The following ARL8A variants were observed in gnomAD, a reference collection of about 807,000 sequenced individuals.
ARL8A encodes ARF like GTPase 8A.
Under a neutral mutation model 31.2 loss-of-function variants are expected in ARL8A, and 10 were observed. The observed-to-expected ratio is 0.32, with a 90% CI of 0.20 to 0.54. The LOEUF (loss-of-function observed/expected upper bound fraction) is 0.54, where lower values mean the gene tolerates loss of function less well. ARL8A is among the 20% of genes least tolerant of loss of function. ARL8A has a pLI of 0.93. For missense variants in ARL8A, 129 were observed against 242.8 expected (o/e 0.53, Z 3.12); for synonymous variants, 70 against 86.9 (o/e 0.81, Z 1.08).
In ARL8A at chr1:202,135,544, T is replaced by C; in HGVS notation, c.373-18A>G. ...ACTAAGACCTACGGAGAAGGGAGGG[T>C]GAGGATGAGGTCTAGGGCAGCCGTG... On this transcript the variant is annotated intron_variant, in intron 4 of 6. Transcript: ENST00000272217. The surrounding 1 kb of genome is among the most constrained non-coding windows in gnomAD (Gnocchi z 5.3). 1 of 1,613,260 alleles carries C rather than the reference T, an allele frequency of 6.2e-7. No homozygotes were observed.
At chr1:202,143,249 C>T (rs1184792313) in intron 1 of ARL8A, among the ~76,000 whole-genome samples, 1 of 152,224 alleles carries the variant, frequency 6.6e-6, no homozygotes, top group African/African-American at 2.4e-5. Context: ...AGCTTTCCAT[C>T]TGCCTTCATG....
rs1045435175 is a variant in ARL8A at position 202,138,917 on chromosome 1, T to C, written c.124-469A>G. Among the ~76,000 whole-genome samples the C allele has an allele frequency of 5.9e-5, 9 of 152,226 alleles. No homozygotes were observed. Among genetic ancestry groups the C allele is most frequent in the Non-Finnish European group, 1.5e-5 (1 of 68,042 alleles). ...TATATTGGTCATCCTGAAAATGCAG[T>C]GCATGCCAAGCAATTTCTGGATTAT... On this transcript the variant is annotated intron_variant, in intron 1 of 6. Transcript: ENST00000272217. The surrounding 1 kb of genome is among the most constrained non-coding windows in gnomAD (Gnocchi z 4.4).
chr1:202,138,329 A>T lies in ARL8A; in HGVS notation c.204+39T>A. The T allele has an allele frequency of 6.4e-7, 1 of 1,571,216 alleles. No individual in the cohort carries two copies. The highest frequency in any genetic ancestry group is 8.7e-7 in the Non-Finnish European group (1 of 1,144,144). Reference sequence around the variant, plus strand: ...CACACACACACACACACACACACAAAAACAGTCCTCTGCACCCCCCAAGCT... The same window carrying T: ...CACACACACACACACACACACACAATAACAGTCCTCTGCACCCCCCAAGCT... On this transcript the variant is annotated intron_variant, in intron 2 of 6. Transcript: ENST00000272217. This position sits in a 1 kb window ranked among gnomAD's most constrained non-coding sequence, Gnocchi z 4.4.
chr1:202,135,063 G>T lies in ARL8A; in HGVS notation c.511+87C>A, dbSNP rs1020421804. On this transcript the variant is annotated intron_variant, in intron 6 of 6. Coordinates refer to ENST00000272217, the MANE Select transcript of ARL8A (RefSeq NM_138795.4). The surrounding 1 kb of genome is among the most constrained non-coding windows in gnomAD (Gnocchi z 5.3). ...AAGAGCCACAGGGCTTTGGACTTCA[G>T]GGAAAGTTGTGGAGCGAGAACCTGA... The T allele has an allele frequency of 8.0e-6, 11 of 1,372,130 alleles. No homozygotes were observed. The highest frequency in any genetic ancestry group is 1.1e-5 in the Non-Finnish European group (11 of 967,894). The allele number at this position is 1,372,130 out of a possible 1,614,324, so 85.0% of individuals were successfully genotyped here. A position where few individuals can be genotyped will look rare whatever the true frequency, so the allele number is the denominator to read the frequency against.
rs562303476 is a variant in ARL8A, at chr1:202,135,634, C to G, written c.372+73G>C. ...GTTTCCTCTCTGCGCCCCTACCATGCCTGGCTTTTACCTGCTCCCAGTGAC... is the reference window on the plus strand; with the variant it reads ...GTTTCCTCTCTGCGCCCCTACCATGGCTGGCTTTTACCTGCTCCCAGTGAC... On this transcript the variant is annotated intron_variant, in intron 4 of 6. Coordinates refer to ENST00000272217, the MANE Select transcript of ARL8A (RefSeq NM_138795.4). The surrounding 1 kb of genome is among the most constrained non-coding windows in gnomAD (Gnocchi z 5.3). 1.9e-6 allele frequency: 3 copies of G among 1,580,148 alleles called. No individual in the cohort carries two copies. Among genetic ancestry groups the G allele is most frequent in the Non-Finnish European group, 2.6e-6 (3 of 1,149,780 alleles).
At chr1:202,136,710 C>G (rs543566252) in intron 3 of ARL8A, among the ~76,000 whole-genome samples, 1 of 152,308 alleles carries the variant, frequency 6.6e-6, no homozygotes, top group South Asian at 2.1e-4. Context: ...GCTGGGACTA[C>G]AGGTGCGTGC....
At position 202,135,225 on chromosome 1, in the gene ARL8A, G is replaced by T. The variant is rs1406950747; in HGVS notation, c.441-5C>A. ...TCCTGGATGGCAGACAGATTCCTGG[G>T]GGAAACCAGAGTAGAGTCCGCTGAG... On this transcript the variant is annotated splice_polypyrimidine_tract_variant and splice_region_variant and intron_variant, in intron 5 of 6. Transcript: ENST00000272217. The surrounding 1 kb of genome is among the most constrained non-coding windows in gnomAD (Gnocchi z 5.3). The T allele has an allele frequency of 6.2e-7, 1 of 1,613,776 alleles. No individual in the cohort carries two copies. The highest frequency in any genetic ancestry group is 2.2e-5 in the East Asian group (1 of 44,888).
In ARL8A at chr1:202,138,601, A is replaced by G. The variant is rs1655083186; in HGVS notation, c.124-153T>C. On this transcript the variant is annotated intron_variant, in intron 1 of 6. Transcript: ENST00000272217. The surrounding 1 kb of genome is among the most constrained non-coding windows in gnomAD (Gnocchi z 4.4). ...TGCACATCCTGTGCTTTCAGGCAGG[A>G]TGGGCTATCACCAACCTATGTGTCC... 1.3e-5 allele frequency among the ~76,000 whole-genome samples: 2 copies of G among 152,132 alleles called. No individual in the cohort carries two copies. Among genetic ancestry groups the G allele is most frequent in the Non-Finnish European group, 2.9e-5 (2 of 68,032 alleles).
chr1:202,141,774 A>T (rs1655171358), intron 1 of ARL8A, among the ~76,000 whole-genome samples: 1 of 152,178 alleles, frequency 6.6e-6, no homozygotes, highest in African/African-American at 2.4e-5. Context: ...ACACTTTTAA[A>T]TATTTGAAAA....
rs1341483389 is a variant in ARL8A, at chr1:202,144,480, C to G, written c.93G>C (p.Ser31=). 2.0e-6 allele frequency: 3 copies of G among 1,477,480 alleles called. No individual in the cohort carries two copies. Among genetic ancestry groups the G allele is most frequent in the South Asian group, 1.1e-5 (1 of 87,198 alleles). 91.5% of individuals were successfully genotyped at this position (1,477,480 alleles called of 1,614,324 possible). The change falls in exon 1 of 7, where the codon TCG becomes TCC. Residue 31 remains serine, a synonymous_variant. Coordinates refer to ENST00000272217, the MANE Select transcript of ARL8A (RefSeq NM_138795.4). The surrounding 1 kb of genome is among the most constrained non-coding windows in gnomAD (Gnocchi z 5.2). ...MELTLVGLQY[S]GKTTFVNVIA... The stretch of plus-strand genomic sequence containing the variant: ...TCACGTTGACGAAGGTGGTCTTGCC[C>G]GAGTACTGAAGCCCGACCAGCGTGA...
chr1:202,139,575 GA>G (rs1010852838), intron 1 of ARL8A, among the ~76,000 whole-genome samples: 39 of 109,594 alleles, frequency 3.6e-4, no homozygotes, highest in Middle Eastern at 6.2e-3. Flanking sequence ...TCCGGCTTGA[GA>G]AAAAAAAAAA....
chr1:202,141,174 G>A (rs950233248), intron 1 of ARL8A, among the ~76,000 whole-genome samples: 2 of 152,134 alleles, frequency 1.3e-5, no homozygotes, highest in Non-Finnish European at 2.9e-5. Context: ...GAGCTAAGGT[G>A]GAATCAGATT....
chr1:202,135,305 C>G lies in ARL8A; in HGVS notation c.441-85G>C, dbSNP rs761274233. 303 of 1,487,106 alleles carry G rather than the reference C, an allele frequency of 2.0e-4. 1 individual carries two copies. Among genetic ancestry groups the G allele is most frequent in the Non-Finnish European group, 8.2e-5 (87 of 1,065,876 alleles). The allele number at this position is 1,487,106 out of a possible 1,614,324, so 92.1% of individuals were successfully genotyped here. ...GGGGACAGCGGGGCCTTTTTCTTAC[C>G]TAAGAGGCTACAAAGGGGAGGGTGA... On this transcript the variant is annotated intron_variant, in intron 5 of 6. Coordinates refer to ENST00000272217, the MANE Select transcript of ARL8A (RefSeq NM_138795.4). The surrounding 1 kb of genome is among the most constrained non-coding windows in gnomAD (Gnocchi z 5.3).
In ARL8A at chr1:202,138,141, T is replaced by C; in HGVS notation, c.205-103A>G. 1 of 1,347,942 alleles carries C rather than the reference T, an allele frequency of 7.4e-7. No individual in the cohort carries two copies. The highest frequency in any genetic ancestry group is 2.4e-5 in the East Asian group (1 of 41,960). 83.5% of individuals were successfully genotyped at this position (1,347,942 alleles called of 1,614,324 possible). A position where few individuals can be genotyped will look rare whatever the true frequency, so the allele number is the denominator to read the frequency against. On this transcript the variant is annotated intron_variant, in intron 2 of 6. Coordinates refer to ENST00000272217, the MANE Select transcript of ARL8A (RefSeq NM_138795.4). This position sits in a 1 kb window ranked among gnomAD's most constrained non-coding sequence, Gnocchi z 4.4. ...CTACCCTGCCCTACTCTCCTCTGCCTCCCCGGCTTCCTCTCCAGTTCTCCC... is the reference window on the plus strand; with the variant it reads ...CTACCCTGCCCTACTCTCCTCTGCCCCCCCGGCTTCCTCTCCAGTTCTCCC...
intron 1 of ARL8A, among the ~76,000 whole-genome samples, chr1:202,141,766 A>G (rs1655171268): frequency 6.6e-6 from 1 of 152,112 alleles, no homozygotes; most frequent in African/African-American, 2.4e-5. Flanking sequence ...AGTCTTTGAC[A>G]CTTTTAAATA....
Position 202,144,408 on chromosome 1 carries a change from C to G in ARL8A, c.123+42G>C. 7.7e-7 allele frequency: 1 copy of G among 1,300,878 alleles called. No homozygotes were observed. 80.6% of individuals were successfully genotyped at this position (1,300,878 alleles called of 1,614,324 possible). A position where few individuals can be genotyped will look rare whatever the true frequency, so the allele number is the denominator to read the frequency against. On this transcript the variant is annotated intron_variant, in intron 1 of 6. Transcript: ENST00000272217. The surrounding 1 kb of genome is among the most constrained non-coding windows in gnomAD (Gnocchi z 5.2). ...GGCGCGGGCGGGGACAGGCCCGACC[C>G]GCGGCCCGCGCCCGGGGACCCCGCG...
Position 202,144,513 on chromosome 1 carries a change from C to T in ARL8A, c.60G>A (p.Glu20=), listed in dbSNP as rs774512844. The part of the protein sequence containing the change: ...DWFKALFWKE[E]MELTLVGLQY... ...GAAGCCCGACCAGCGTGAGCTCCATCTCCTCCTTCCAGAATAGGGCCTTGA... is the reference window on the plus strand; with the variant it reads ...GAAGCCCGACCAGCGTGAGCTCCATTTCCTCCTTCCAGAATAGGGCCTTGA... The change falls in exon 1 of 7, where the codon GAG becomes GAA. Residue 20 remains glutamate, a synonymous_variant. Transcript: ENST00000272217. This position sits in a 1 kb window ranked among gnomAD's most constrained non-coding sequence, Gnocchi z 5.2. 4.7e-5 allele frequency: 70 copies of T among 1,486,330 alleles called. No homozygotes were observed. The highest frequency in any genetic ancestry group is 9.1e-7 in the Non-Finnish European group (1 of 1,100,610). 92.1% of individuals were successfully genotyped at this position (1,486,330 alleles called of 1,614,324 possible).
rs1365580468 is a variant in ARL8A at position 202,138,342 on chromosome 1, C to T, written c.204+26G>A. ...ACACACACACAAAAACAGTCCTCTG[C>T]ACCCCCCAAGCTTCTGGGCCCTCAC... On this transcript the variant is annotated intron_variant, in intron 2 of 6. Coordinates refer to ENST00000272217, the MANE Select transcript of ARL8A (RefSeq NM_138795.4). This position sits in a 1 kb window ranked among gnomAD's most constrained non-coding sequence, Gnocchi z 4.4. 1 of 1,600,690 alleles carries T rather than the reference C, an allele frequency of 6.2e-7. No homozygotes were observed. The highest frequency in any genetic ancestry group is 8.6e-7 in the Non-Finnish European group (1 of 1,168,718).
In ARL8A at chr1:202,135,351, C is replaced by T; in HGVS notation, c.440+108G>A. 6.7e-7 allele frequency: 1 copy of T among 1,494,274 alleles called. No homozygotes were observed. The highest frequency in any genetic ancestry group is 1.1e-5 in the South Asian group (1 of 88,264). The allele number at this position is 1,494,274 out of a possible 1,614,324, so 92.6% of individuals were successfully genotyped here. Reference sequence around the variant, plus strand: ...GGTGAGGTGCCTGAAAAGGTCGGCTCTGCTGCCACCGTGTGGCTAATACTA... The same window carrying T: ...GGTGAGGTGCCTGAAAAGGTCGGCTTTGCTGCCACCGTGTGGCTAATACTA... On this transcript the variant is annotated intron_variant, in intron 5 of 6. Coordinates refer to ENST00000272217, the MANE Select transcript of ARL8A (RefSeq NM_138795.4). The surrounding 1 kb of genome is among the most constrained non-coding windows in gnomAD (Gnocchi z 5.3).
Sources: gnomAD v4.1 joint callset for allele counts (sites outside exome capture counted in the v4.1 genomes callset) on GRCh38, gnomAD v4.1.1 for gene constraint, Gnocchi (gnomAD v3.1) non-coding constraint, MANE v1.5 for transcripts, NCBI Gene and HGNC (gene_info 2026-07-23, HGNC 2026-07-21) for gene names.